The following MAP4K4 variants were observed in gnomAD, a reference collection of about 807,000 sequenced individuals.
The protein encoded by MAP4K4 is HPK/GCK-like kinase HGK.
In MAP4K4, 38 loss-of-function variants were observed where a neutral mutation model predicts 189.6. The ratio of observed to expected loss-of-function variants is 0.20; its 90% confidence interval spans 0.15 to 0.26. The LOEUF (loss-of-function observed/expected upper bound fraction) is 0.26. Among genes scored for constraint, MAP4K4 ranks in the 10% least tolerant of loss-of-function variants. The pLI, the probability that MAP4K4 is intolerant of heterozygous loss-of-function variation, is 1.00. For missense variants in MAP4K4, 1,054 were observed against 1,726.9 expected, an observed-to-expected ratio of 0.61 and a Z score of 6.91; for synonymous variants, 610 against 624.3, an observed-to-expected ratio of 0.98 and a Z score of 0.34.
At chr2:101,733,578 G>C (rs559877667) in intron 2 of MAP4K4, among the ~76,000 whole-genome samples, 17 of 152,234 alleles carry the variant, frequency 1.1e-4, no homozygotes, top group Non-Finnish European at 2.2e-4. Flanking sequence ...AGTGTAGCTG[G>C]TTGGCTTGTC....
intron 5 of MAP4K4, among the ~76,000 whole-genome samples, chr2:101,827,729 TC>T (rs2096425307): frequency 6.6e-6 from 1 of 152,198 alleles, no homozygotes; most frequent in Non-Finnish European, 1.5e-5. Context: ...TCAGCCCACT[TC>T]CATGTTCACA....
chr2:101,867,326 ATCAGTTTTACTTATTTCAGACT>A lies in MAP4K4; in HGVS notation c.2454+19_2454+40del. 4 of 1,577,598 alleles carry A rather than the reference ATCAGTTTTACTTATTTCAGACT, an allele frequency of 2.5e-6. No individual in the cohort carries two copies. The highest frequency in any genetic ancestry group is 3.5e-6 in the Non-Finnish European group (4 of 1,155,276). On this transcript the variant is annotated intron_variant, in intron 20 of 32. Coordinates refer to ENST00000324219, the Ensembl canonical transcript of MAP4K4. ...AAGCCTGCTGTAAGGATTGTGCAGG[ATCAGTTTTACTTATTTCAGACT>A]TGAATGAGATCTTTCTATTAAAAAT...
At chr2:101,830,232 G>T (rs543009544) in intron 6 of MAP4K4, among the ~76,000 whole-genome samples, 1 of 152,224 alleles carries the variant, frequency 6.6e-6, no homozygotes, top group Non-Finnish European at 1.5e-5. Context: ...TCCTTTGCCA[G>T]AATGTAAATT....
chr2:101,837,435 A>G (rs1216781142), intron 9 of MAP4K4, among the ~76,000 whole-genome samples: 1 of 151,700 alleles, frequency 6.6e-6, no homozygotes, highest in South Asian at 2.1e-4. Flanking sequence ...CTCATTTTTT[A>G]TACAGTCTTT....
rs377396414 is a variant in MAP4K4 at position 101,862,739 on chromosome 2, T to A, written c.1867-1082T>A. Among the ~76,000 whole-genome samples the A allele has an allele frequency of 5.9e-5, 9 of 152,368 alleles. No individual in the cohort carries two copies. The East Asian group carries it at 1.3e-3, about 23-fold the overall frequency. On this transcript the variant is annotated intron_variant, in intron 16 of 32. Transcript: ENST00000324219. ...TTGATTATAATTTCAGGTAATACTT[T>A]GAATTACATGCTTTATCTCTGAAAA...
chr2:101,786,109 G>A (rs933361403), intron 2 of MAP4K4, among the ~76,000 whole-genome samples: 4 of 152,132 alleles, frequency 2.6e-5, no homozygotes, highest in Admixed American at 1.3e-4. Flanking sequence ...ACAGGTGTGA[G>A]CCATTGCACC....
intron 2 of MAP4K4, among the ~76,000 whole-genome samples, chr2:101,741,249 G>A (rs1036840615): frequency 2.7e-5 from 4 of 148,382 alleles, no homozygotes; most frequent in African/African-American, 1.0e-4. Flanking sequence ...CTCACTGCAA[G>A]CTCCGCCTCC....
At chr2:101,827,966 A>G (rs917550305) in intron 5 of MAP4K4, among the ~76,000 whole-genome samples, 2 of 152,174 alleles carry the variant, frequency 1.3e-5, no homozygotes, top group Admixed American at 6.5e-5. Flanking sequence ...ATTGTGGCCT[A>G]ATTTCTGGTG....
At chr2:101,854,604 T>C (rs903198959) in intron 12 of MAP4K4, among the ~76,000 whole-genome samples, 1 of 152,212 alleles carries the variant, frequency 6.6e-6, no homozygotes, top group African/African-American at 2.4e-5. Context: ...TTACATTTCT[T>C]AGGGCATCAT....
chr2:101,708,488 G>A (rs2043601072), intron 2 of MAP4K4, among the ~76,000 whole-genome samples: 1 of 152,230 alleles, frequency 6.6e-6, no homozygotes, highest in Non-Finnish European at 1.5e-5. Flanking sequence ...GAGGAATAAG[G>A]AAAGTGAGGC....
At chr2:101,735,935 T>TCCACAGGGA (rs2060118789) in intron 2 of MAP4K4, among the ~76,000 whole-genome samples, 1 of 152,206 alleles carries the variant, frequency 6.6e-6, no homozygotes, top group Non-Finnish European at 1.5e-5. Context: ...GTGATACTTT[T>TCCACAGGGA]CCACAGGGAA....
intron 2 of MAP4K4, among the ~76,000 whole-genome samples, chr2:101,753,187 C>T (rs1262130266): frequency 6.6e-6 from 1 of 151,998 alleles, no homozygotes; most frequent in Non-Finnish European, 1.5e-5. Flanking sequence ...TGCAGTTTGC[C>T]TGATGTATAG....
chr2:101,892,638 GTTAA>G (rs2098586133), exon 33 of MAP4K4: 1 of 319,604 alleles, frequency 3.1e-6, no homozygotes, highest in Non-Finnish European at 6.2e-6. Context: ...TAAGAATGTA[GTTAA>G]TTCTGCTTAT....
intron 2 of MAP4K4, among the ~76,000 whole-genome samples, chr2:101,786,125 G>A (rs1368088862): frequency 6.6e-6 from 1 of 151,936 alleles, no homozygotes; most frequent in African/African-American, 2.4e-5. Context: ...GCACCCGGCC[G>A]GCATCTTTTT....
rs541656000 is a variant in MAP4K4, at chr2:101,880,949, T to A, written c.3386-1602T>A. On this transcript the variant is annotated intron_variant, in intron 27 of 32. Coordinates refer to ENST00000324219, the Ensembl canonical transcript of MAP4K4. ...TCAGTCTTTCAACTTTGTTCTTTTT[T>A]AATGTTATGTGGACTGTGTTGGGTC... Among the ~76,000 whole-genome samples, 10 of 152,318 alleles carry A rather than the reference T, an allele frequency of 6.6e-5. No individual in the cohort carries two copies. The East Asian group carries it at 1.2e-3, about 18-fold the overall frequency.
At chr2:101,835,546 C>T (rs531291816) in intron 8 of MAP4K4, among the ~76,000 whole-genome samples, 1 of 152,310 alleles carries the variant, frequency 6.6e-6, no homozygotes, top group East Asian at 1.9e-4. Flanking sequence ...CAAGCCATAT[C>T]TTATTTAATC....
At chr2:101,707,956 C>A (rs2043270661) in intron 2 of MAP4K4, among the ~76,000 whole-genome samples, 1 of 151,706 alleles carries the variant, frequency 6.6e-6, no homozygotes. Flanking sequence ...CCACCTCGGC[C>A]TCTCTAAGTG....
chr2:101,731,496 C>T (rs944742051), intron 2 of MAP4K4, among the ~76,000 whole-genome samples: 2 of 152,008 alleles, frequency 1.3e-5, no homozygotes, highest in Non-Finnish European at 2.9e-5. Context: ...TGGTGGCTCA[C>T]GCCTGTAATC....
intron 2 of MAP4K4, among the ~76,000 whole-genome samples, chr2:101,725,131 A>AGCAACACGTGACTGTACTAATTT (rs2054509967): frequency 6.6e-6 from 1 of 152,238 alleles, no homozygotes; most frequent in South Asian, 2.1e-4. Context: ...CTCATCATCA[A>AGCAACACGTGACTGTACTAATTT]GCAACACGTG....
Sources: allele counts gnomAD v4.1 joint callset (sites outside exome capture counted in the v4.1 genomes callset), GRCh38; gene constraint gnomAD v4.1.1; transcripts MANE v1.5; gene names NCBI Gene and HGNC (gene_info 2026-07-23, HGNC 2026-07-21).